Variants in GPHN observed in about 807,000 individuals in gnomAD.
GPHN encodes the protein gephyrin.
A neutral mutation model predicts 95.5 loss-of-function variants in GPHN; 17 were observed. That is an observed-to-expected ratio of 0.18 (90% CI 0.12 to 0.27). GPHN has a LOEUF of 0.27. GPHN is among the 10% of genes least tolerant of loss of function. The pLI is 1.00. For synonymous variants in GPHN, 320 were observed against 322.5 expected, an observed-to-expected ratio of 0.99 and a Z score of 0.08; for missense variants, 660 against 978.1, an observed-to-expected ratio of 0.67 and a Z score of 4.34.
intron 3 of GPHN, among the ~76,000 whole-genome samples, chr14:66,785,447 C>T (rs2059738961): frequency 1.3e-5 from 2 of 151,886 alleles, no homozygotes; most frequent in African/African-American, 2.4e-5. Flanking sequence ...GACTTCAGAA[C>T]AAGAAAAATT....
intron 18 of GPHN, among the ~76,000 whole-genome samples, chr14:67,150,135 A>T (rs1022271102): frequency 2.0e-5 from 3 of 152,168 alleles, no homozygotes; most frequent in Non-Finnish European, 4.4e-5. Context: ...ACTATAAAAC[A>T]TAATAACTAT....
At chr14:67,312,381 T>G in the GPHN span, 3 of 509,262 alleles carry the variant, frequency 5.9e-6, no homozygotes, top group East Asian at 1.1e-4. Flanking sequence ...AATTTGAGAT[T>G]ATCCTGGACA....
chr14:67,075,740 A>G (rs754744588), intron 11 of GPHN, among the ~76,000 whole-genome samples: 1 of 152,228 alleles, frequency 6.6e-6, no homozygotes, highest in African/African-American at 2.4e-5. Flanking sequence ...GATGTCGTCA[A>G]AATAGCAAGG....
At chr14:67,323,615 A>AATATATAT in the GPHN span, 74 of 260,306 alleles carry the variant, frequency 2.8e-4, no homozygotes, top group Middle Eastern at 1.4e-3. Context: ...CCCTTAATCT[A>AATATATAT]ATATATATAT....
chr14:67,444,347 A>G, the GPHN span, among the ~76,000 whole-genome samples: 1 of 152,208 alleles, frequency 6.6e-6, no homozygotes, highest in Non-Finnish European at 1.5e-5. Flanking sequence ...AGAAAGGAGC[A>G]TTCTTGCTTT....
chr14:67,417,972 C>T, the GPHN span, among the ~76,000 whole-genome samples: 1 of 152,054 alleles, frequency 6.6e-6, no homozygotes, highest in Non-Finnish European at 1.5e-5. Context: ...ATTTGAACTC[C>T]TGGGCGCAAG....
the GPHN span, chr14:67,392,775 T>G: frequency 6.2e-7 from 1 of 1,613,978 alleles, no homozygotes; most frequent in East Asian, 2.2e-5. Flanking sequence ...TCCATGAGCA[T>G]GGAGGCCAGG....
chr14:66,803,464 G>C lies in GPHN; in HGVS notation c.202-21010G>C, dbSNP rs571574791. 5.1e-4 allele frequency among the ~76,000 whole-genome samples: 77 copies of C among 152,288 alleles called. 2 individuals carry two copies. In the South Asian group the frequency reaches 0.015, roughly 30 times the overall value. On this transcript the variant is annotated intron_variant, in intron 3 of 22. Transcript: ENST00000478722. ...TGTTAAATTGGTGTACTTGCAGGGGGTGGCGGAGGCAACAATTGGTGGAGC... is the reference window on the plus strand; with the variant it reads ...TGTTAAATTGGTGTACTTGCAGGGGCTGGCGGAGGCAACAATTGGTGGAGC...
At chr14:66,577,179 A>G (rs1369501302) in intron 1 of GPHN, among the ~76,000 whole-genome samples, 1 of 152,196 alleles carries the variant, frequency 6.6e-6, no homozygotes, top group East Asian at 1.9e-4. Flanking sequence ...TGCTCTTACT[A>G]GTCTATAGAC....
chr14:67,180,046 G>A (rs2083244282), intron 22 of GPHN, among the ~76,000 whole-genome samples: 1 of 152,170 alleles, frequency 6.6e-6, no homozygotes, highest in Non-Finnish European at 1.5e-5. Context: ...TGAGATGAAA[G>A]CCCAATTTAT....
chr14:66,836,612 G>A (rs1175774218), intron 4 of GPHN, among the ~76,000 whole-genome samples: 2 of 139,350 alleles, frequency 1.4e-5, no homozygotes, highest in African/African-American at 2.9e-5. Flanking sequence ...TTAAACTAAA[G>A]AGCTTCTGCA....
Position 67,055,105 on chromosome 14 carries a change from T to C in GPHN, c.1007-3544T>C, listed in dbSNP as rs150642511. ...GCAAAAATTGACAAATGAGATCTAA[T>C]TAAAGAGCTTCTGCACAGCAAAAGA... On this transcript the variant is annotated intron_variant, in intron 10 of 22. Transcript: ENST00000478722. Among the ~76,000 whole-genome samples the C allele has an allele frequency of 5.0e-3, 759 of 152,188 alleles. 2 individuals are homozygous for C. Among genetic ancestry groups the C allele is most frequent in the Non-Finnish European group, 7.6e-3 (519 of 67,982 alleles).
the GPHN span, chr14:67,317,383 A>G: frequency 6.4e-7 from 1 of 1,573,882 alleles, no homozygotes; most frequent in Non-Finnish European, 8.7e-7. Flanking sequence ...ACACATTTAT[A>G]GTTATGTTTA....
chr14:66,763,117 A>G (rs28415873), intron 2 of GPHN, among the ~76,000 whole-genome samples: 49,635 of 151,962 alleles, frequency 0.33, 11,863 homozygotes, highest in African/African-American at 0.65. Context: ...CTCCACATCC[A>G]TGGGCTCCAC....
chr14:67,205,606 G>A, the GPHN span, among the ~76,000 whole-genome samples: 1 of 152,192 alleles, frequency 6.6e-6, no homozygotes, highest in South Asian at 2.1e-4. Context: ...AAAGGCCAGA[G>A]AGTGGAAAAA....
chr14:67,558,018 T>G, the GPHN span, among the ~76,000 whole-genome samples: 1 of 152,208 alleles, frequency 6.6e-6, no homozygotes, highest in Non-Finnish European at 1.5e-5. Context: ...AACCAGGGTC[T>G]TCCCTTCTGA....
At chr14:67,198,389 G>C in the GPHN span, 1 of 1,409,710 alleles carries the variant, frequency 7.1e-7, no homozygotes, top group Non-Finnish European at 9.8e-7. Context: ...AAACTGAAAA[G>C]GATGGTAGGA....
chr14:67,479,003 A>G, the GPHN span, among the ~76,000 whole-genome samples: 1 of 152,026 alleles, frequency 6.6e-6, no homozygotes, highest in East Asian at 1.9e-4. Context: ...TTAAACAACA[A>G]TCATCTCTGG....
chr14:66,706,499 A>T (rs1313503848), intron 2 of GPHN, among the ~76,000 whole-genome samples: 1 of 152,178 alleles, frequency 6.6e-6, no homozygotes, highest in Non-Finnish European at 1.5e-5. Flanking sequence ...AGACCTCAGA[A>T]ATAACACCAC....
Sources: gnomAD v4.1 joint callset for allele counts (sites outside exome capture counted in the v4.1 genomes callset) on GRCh38, gnomAD v4.1.1 for gene constraint, MANE v1.5 for transcripts, NCBI Gene and HGNC (gene_info 2026-07-23, HGNC 2026-07-21) for gene names.